Variants in MFN1 observed in about 807,000 individuals in gnomAD.
The protein encoded by MFN1 is mitofusin-1.
Under a neutral mutation model 92.4 loss-of-function variants are expected in MFN1, and 65 were observed. The ratio of observed to expected loss-of-function variants is 0.70; its 90% confidence interval spans 0.58 to 0.86. The LOEUF (loss-of-function observed/expected upper bound fraction) is 0.86. Ranked by LOEUF, MFN1 falls within the 40% of genes least tolerant of loss-of-function variation. The pLI is 0.00. For missense variants in MFN1, 781 were observed against 868.0 expected, an observed-to-expected ratio of 0.90 and a Z score of 1.26; for synonymous variants, 297 against 300.9, an observed-to-expected ratio of 0.99 and a Z score of 0.13.
intron 10 of MFN1, 142 bp from the exon 11 acceptor site, chr3:179,376,900 C>G: frequency 2.9e-6 from 2 of 687,716 alleles, no homozygotes; most frequent in Admixed American, 5.9e-5. Context: ...TGAAATATTA[C>G]TTGAATCCTT....
chr3:179,360,540 T>C (rs1712534120), intron 4 of MFN1, among the ~76,000 whole-genome samples: 1 of 127,500 alleles, frequency 7.8e-6, no homozygotes, highest in Non-Finnish European at 1.6e-5. Flanking sequence ...TCAGTGCCAC[T>C]CCTTCAGCCA....
intron 9 of MFN1, among the ~76,000 whole-genome samples, chr3:179,371,230 G>T (rs1050970794): frequency 6.6e-6 from 1 of 152,162 alleles, no homozygotes; most frequent in Admixed American, 6.5e-5. Flanking sequence ...ATTAGCCTGG[G>T]CATTGGTGGC....
chr3:179,367,969 C>T, intron 8 of MFN1, 67 bp from the exon 9 acceptor site: 1 of 902,738 alleles, frequency 1.1e-6, no homozygotes, highest in Non-Finnish European at 1.5e-6. Context: ...ATTATAAAAT[C>T]AGTAGCCTAC....
At chr3:179,362,626 G>A in intron 5 of MFN1, 144 bp downstream of exon 5, 1 of 673,784 alleles carries the variant, frequency 1.5e-6, no homozygotes, top group Admixed American at 3.8e-5. Flanking sequence ...ATATGGTATT[G>A]GTTTTATTTT....
chr3:179,356,368 A>G (rs1213144311), intron 3 of MFN1, among the ~76,000 whole-genome samples: 1 of 152,190 alleles, frequency 6.6e-6, no homozygotes, highest in East Asian at 1.9e-4. Flanking sequence ...GCATGCTGAG[A>G]GGGCATGAAT....
At chr3:179,355,178 A>AAT (rs969212781) in intron 3 of MFN1, among the ~76,000 whole-genome samples, 2 of 152,072 alleles carry the variant, frequency 1.3e-5, no homozygotes, top group Non-Finnish European at 2.9e-5. Context: ...ATATACATAT[A>AAT]ATATATATAT....
rs754248994 is a variant in MFN1, at chr3:179,391,995, A to G, written c.2162A>G (p.Gln721Arg). The G allele has an allele frequency of 1.2e-6, 2 of 1,605,684 alleles. No homozygotes were observed. Among genetic ancestry groups the G allele is most frequent in the South Asian group, 2.2e-5 (2 of 90,598 alleles). The change falls in exon 18 of 18, where the codon CAA becomes CGA. Residue 721 changes from glutamine to arginine, a missense_variant. By Grantham distance (43) the Gln-to-Arg change is conservative. Coordinates refer to ENST00000471841, the MANE Select transcript of MFN1 (RefSeq NM_033540.3). Reference protein sequence around the residue: ...NSKLLRNKAVQLENELENFTK... With the variant: ...NSKLLRNKAVRLENELENFTK... ...TTTTTAATTAGAAATAAAGCTGTTCAACTTGAAAATGAGCTGGAGAATTTT... is the reference window on the plus strand; with the variant it reads ...TTTTTAATTAGAAATAAAGCTGTTCGACTTGAAAATGAGCTGGAGAATTTT...
chr3:179,360,899 C>T (rs939011591), intron 4 of MFN1, among the ~76,000 whole-genome samples: 7 of 152,240 alleles, frequency 4.6e-5, no homozygotes, highest in African/African-American at 1.7e-4. Context: ...GCAATCCTAG[C>T]ACTTGAGCTG....
intron 16 of MFN1, among the ~76,000 whole-genome samples, chr3:179,389,301 C>T (rs1713811549): frequency 6.6e-6 from 1 of 152,110 alleles, no homozygotes; most frequent in Admixed American, 6.5e-5. Context: ...ATGTAGCTTT[C>T]CCTGCATTGA....
chr3:179,372,920 AAT>A (rs1352775661), intron 9 of MFN1, among the ~76,000 whole-genome samples: 3 of 152,238 alleles, frequency 2.0e-5, no homozygotes, highest in African/African-American at 7.2e-5. Flanking sequence ...GTTATTAAAA[AAT>A]AAGTAGTTTA....
chr3:179,380,075 G>A (rs1218787572), intron 14 of MFN1, among the ~76,000 whole-genome samples: 3 of 152,142 alleles, frequency 2.0e-5, no homozygotes, highest in African/African-American at 7.2e-5. Flanking sequence ...AGGGAACTGT[G>A]AGTATTCAAT....
Position 179,390,100 on chromosome 3 carries a change from T to A in MFN1, c.2109T>A (p.Asp703Glu), listed in dbSNP as rs1231095909. 1 of 1,604,092 alleles carries A rather than the reference T, an allele frequency of 6.2e-7. No homozygotes were observed. The highest frequency in any genetic ancestry group is 1.7e-5 in the Admixed American group (1 of 58,206). Residue 703 changes from aspartate to glutamate, a missense_variant, in exon 17 of 18, where the codon GAT (aspartate) becomes GAA (glutamate). Asp to Glu is a conservative substitution (Grantham distance 45). Coordinates refer to ENST00000471841, the MANE Select transcript of MFN1 (RefSeq NM_033540.3). ...TTGCTAGATTACCCAAAGAAATAGA[T>A]CAGTTGGAGAAAATACAAAACAATT... is the stretch of plus-strand genomic sequence containing the variant. ...EEIARLPKEI[D>E]QLEKIQNNSK...
intron 1 of MFN1, chr3:179,348,111 C>T (rs1371167024): frequency 6.6e-6 from 1 of 152,302 alleles, no homozygotes; most frequent in Non-Finnish European, 1.5e-5. Context: ...AGGTGGGAGG[C>T]CTTTTCTAAG....
intron 17 of MFN1, among the ~76,000 whole-genome samples, chr3:179,390,941 C>T (rs1713875697): frequency 6.6e-6 from 1 of 152,158 alleles, no homozygotes; most frequent in Non-Finnish European, 1.5e-5. Context: ...ATAGTGTCTT[C>T]ATCTGACCAA....
At chr3:179,348,640 T>G (rs1025302854) in intron 1 of MFN1, 2 of 642,012 alleles carry the variant, frequency 3.1e-6, no homozygotes, top group African/African-American at 3.6e-5. Flanking sequence ...TTTTGGCTAA[T>G]AGATTTCACT....
intron 10 of MFN1, 108 bp from the exon 11 acceptor site, chr3:179,376,934 T>C (rs75502209): frequency 2.8e-6 from 3 of 1,055,690 alleles, no homozygotes; most frequent in East Asian, 5.4e-5. Context: ...GTTTTTTTTT[T>C]CCTTGAGTCA....
At chr3:179,382,400 C>T (rs1162975338) in intron 14 of MFN1, among the ~76,000 whole-genome samples, 2 of 152,244 alleles carry the variant, frequency 1.3e-5, no homozygotes, top group East Asian at 3.9e-4. Flanking sequence ...AGGACATGAA[C>T]TCATCATTTT....
At position 179,393,351 on chromosome 3, in the gene MFN1, G is replaced by A. The variant is rs1713980719; in HGVS notation, c.*1292G>A. 1 of 152,112 alleles carries A rather than the reference G, an allele frequency of 6.6e-6. No homozygotes were observed. The highest frequency in any genetic ancestry group is 2.4e-5 in the African/African-American group (1 of 41,420). 9.4% of individuals were successfully genotyped at this position (152,112 alleles called of 1,614,324 possible). A position where few individuals can be genotyped will look rare whatever the true frequency, so the allele number is the denominator to read the frequency against. ...ACTTGTTAGAAATGCACAATCCCGGGGAACGCAGTACATTTGGCCACATGT... is the reference window on the plus strand; with the variant it reads ...ACTTGTTAGAAATGCACAATCCCGGAGAACGCAGTACATTTGGCCACATGT... On this transcript the variant is annotated 3_prime_UTR_variant, in exon 18 of 18. Transcript: ENST00000471841.
At chr3:179,387,831 C>A (rs867083976) in intron 16 of MFN1, among the ~76,000 whole-genome samples, 1 of 150,984 alleles carries the variant, frequency 6.6e-6, no homozygotes, top group African/African-American at 2.4e-5. Flanking sequence ...CAGGTTCAAG[C>A]AATTCTCCTG....
Sources: allele counts gnomAD v4.1 joint callset (sites outside exome capture counted in the v4.1 genomes callset), GRCh38; gene constraint gnomAD v4.1.1; transcripts MANE v1.5; gene names NCBI Gene and HGNC (gene_info 2026-07-23, HGNC 2026-07-21).